The following AFF4 variants were observed in gnomAD, a reference collection of about 807,000 sequenced individuals.
The protein encoded by AFF4 is AF4/FMR2 family member 4.
In AFF4, 13 loss-of-function variants were observed where a neutral mutation model predicts 124.8. The ratio of observed to expected loss-of-function variants is 0.10; its 90% CI spans 0.07 to 0.17. The LOEUF (loss-of-function observed/expected upper bound fraction) is 0.17, where lower values mean the gene tolerates loss of function less well. AFF4 is among the 10% of genes least tolerant of loss of function. AFF4 has a pLI of 1.00. For synonymous variants in AFF4, 477 were observed against 496.1 expected (o/e 0.96, Z 0.51); for missense variants, 1,092 against 1,403.8 (o/e 0.78, Z 3.55).
At position 132,881,026 on chromosome 5, in the gene AFF4, G is replaced by A. The variant is rs368107532; in HGVS notation, c.*33C>T. 3.7e-6 allele frequency: 6 copies of A among 1,606,946 alleles called. No homozygotes were observed. Among genetic ancestry groups the A allele is most frequent in the African/African-American group, 2.7e-5 (2 of 74,588 alleles). On this transcript the variant is annotated 3_prime_UTR_variant, in exon 21 of 21. Transcript: ENST00000265343. ...CTTCGTGATGTGACACAGTGTTGTG[G>A]AGAAAATCAGAGGCAACGAGAATGT...
In AFF4 at chr5:132,927,096, T is replaced by C. The variant is rs774796541; in HGVS notation, c.1050+25A>G. 8.2e-6 allele frequency: 13 copies of C among 1,594,760 alleles called. No individual in the cohort carries two copies. In the Admixed American group the frequency reaches 1.9e-4, roughly 23 times the overall value. On this transcript the variant is annotated intron_variant, in intron 5 of 20. Coordinates refer to ENST00000265343, the MANE Select transcript of AFF4 (RefSeq NM_014423.4). Reference sequence around the variant, plus strand: ...AGCCATTTAGAGTTTTCTTACATTATGAAAGATACATTTTATTTACTTACC... The same window carrying C: ...AGCCATTTAGAGTTTTCTTACATTACGAAAGATACATTTTATTTACTTACC...
intron 4 of AFF4, among the ~76,000 whole-genome samples, chr5:132,929,483 G>A (rs1761253518): frequency 1.3e-5 from 2 of 151,950 alleles, no homozygotes; most frequent in Admixed American, 1.3e-4. Flanking sequence ...TTATATACAT[G>A]GCAACTAAGA....
intron 2 of AFF4, 61 bp downstream of exon 2, chr5:132,937,006 C>A: frequency 6.5e-7 from 1 of 1,545,556 alleles, no homozygotes; most frequent in Non-Finnish European, 8.8e-7. Context: ...AAGTGTGAAA[C>A]ATTTTAAAAG....
chr5:132,912,639 G>A (rs867630200), intron 5 of AFF4, among the ~76,000 whole-genome samples: 4 of 152,042 alleles, frequency 2.6e-5, no homozygotes, highest in African/African-American at 9.7e-5. Flanking sequence ...AGGATTATAG[G>A]TGTGAGCCAT....
At position 132,886,324 on chromosome 5, in the gene AFF4, T is replaced by C; in HGVS notation, c.3085A>G (p.Thr1029Ala). 1 of 1,614,010 alleles carries C rather than the reference T, an allele frequency of 6.2e-7. No individual in the cohort carries two copies. The highest frequency in any genetic ancestry group is 8.5e-7 in the Non-Finnish European group (1 of 1,179,920). Residue 1029 changes from threonine (T) to alanine (A), a missense_variant, in exon 18 of 21, where the codon ACA becomes GCA. Physicochemically the swap from Thr to Ala is moderately conservative, Grantham distance 58. Coordinates refer to ENST00000265343, the MANE Select transcript of AFF4 (RefSeq NM_014423.4). ...TGCATACTTACCTTCAGGTGCTCTG[T>C]CAGTGTCTTTGAGTACTTCAGAGCA... Reference protein sequence around the residue: ...ENALKYSKTLTEHLKNSYNNS... With the variant: ...ENALKYSKTLAEHLKNSYNNS...
chr5:132,930,230 G>C (rs1761267512), intron 4 of AFF4, among the ~76,000 whole-genome samples: 1 of 152,114 alleles, frequency 6.6e-6, no homozygotes, highest in Non-Finnish European at 1.5e-5. Context: ...CTGTCTAAGA[G>C]ATAAAGCCAA....
At chr5:132,920,557 G>C (rs1761019723) in intron 5 of AFF4, among the ~76,000 whole-genome samples, 1 of 151,530 alleles carries the variant, frequency 6.6e-6, no homozygotes, top group Admixed American at 6.6e-5. Flanking sequence ...GTCTTGCCTT[G>C]TTGACCAGGC....
In AFF4 at chr5:132,898,403, T is replaced by A. The variant is rs746328089; in HGVS notation, c.1227-11A>T. 3.1e-6 allele frequency: 5 copies of A among 1,610,184 alleles called. No homozygotes were observed. Among genetic ancestry groups the A allele is most frequent in the Non-Finnish European group, 4.2e-6 (5 of 1,178,566 alleles). The stretch of plus-strand genomic sequence containing the variant: ...GAAGGTTCAGAGTTACTAAAAGAGA[T>A]GAAATATACAAATGTCCAAAGTTTA... On this transcript the variant is annotated splice_polypyrimidine_tract_variant and intron_variant, in intron 9 of 20. Transcript: ENST00000265343.
chr5:132,939,771 C>T (rs987848809), intron 1 of AFF4, among the ~76,000 whole-genome samples: 10 of 152,280 alleles, frequency 6.6e-5, no homozygotes, highest in South Asian at 6.2e-4. Flanking sequence ...CCACCACGCC[C>T]GGCTAATTTT....
chr5:132,902,170 TC>T (rs1760567599), intron 7 of AFF4, among the ~76,000 whole-genome samples: 1 of 152,048 alleles, frequency 6.6e-6, no homozygotes, highest in South Asian at 2.1e-4. Flanking sequence ...GCCTCAGCCT[TC>T]CAAGTAGCTG....
chr5:132,912,186 A>T (rs972219366), intron 5 of AFF4, among the ~76,000 whole-genome samples: 1 of 151,574 alleles, frequency 6.6e-6, no homozygotes. Context: ...AAAAAAAAAA[A>T]AAAAAACATT....
At chr5:132,962,477 T>C (rs1387194583) in intron 1 of AFF4, among the ~76,000 whole-genome samples, 3 of 152,154 alleles carry the variant, frequency 2.0e-5, no homozygotes, top group African/African-American at 7.2e-5. Flanking sequence ...TTCAGATTCG[T>C]ACTTCCACTT....
intron 1 of AFF4, among the ~76,000 whole-genome samples, chr5:132,959,212 G>A (rs1472418423): frequency 2.7e-5 from 4 of 150,270 alleles, no homozygotes; most frequent in South Asian, 2.1e-4. Flanking sequence ...TGCAACCTCC[G>A]CCTCCCAGGT....
chr5:132,883,732 C>T (rs1272842392), intron 19 of AFF4, among the ~76,000 whole-genome samples, 172 bp from the exon 20 acceptor site: 1 of 152,144 alleles, frequency 6.6e-6, no homozygotes, highest in Non-Finnish European at 1.5e-5. Context: ...TCTTGTAATT[C>T]ATAATCTTGT....
Position 132,893,033 on chromosome 5 carries a change from C to T in AFF4, c.2393G>A (p.Arg798Lys). 1 of 1,614,052 alleles carries T rather than the reference C, an allele frequency of 6.2e-7. No individual in the cohort carries two copies. Among genetic ancestry groups the T allele is most frequent in the Non-Finnish European group, 8.5e-7 (1 of 1,179,942 alleles). The change falls in exon 12 of 21, where the codon AGA becomes AAA. Residue 798 changes from arginine (R) to lysine (K), a missense_variant. Arg to Lys is a conservative substitution (Grantham distance 26). This residue lies in a region of AFF4 where 293 missense variants were observed against 280.2 expected (regional missense o/e 1.05). Coordinates refer to ENST00000265343, the MANE Select transcript of AFF4 (RefSeq NM_014423.4). The stretch of plus-strand genomic sequence containing the variant: ...GCAACATGTTTTGGGAACGTACTCT[C>T]TGTTGCTGGATGGCTTATGGCCTGC... ...NSAGHKPSSN[R>K]ESSKQSAAKE...
intron 5 of AFF4, among the ~76,000 whole-genome samples, chr5:132,915,539 C>T (rs1432153186): frequency 1.3e-5 from 2 of 149,082 alleles, no homozygotes; most frequent in African/African-American, 2.5e-5. Context: ...ATTAATTATA[C>T]TGCACTTTGA....
At chr5:132,888,501 C>T (rs923154561) in intron 14 of AFF4, among the ~76,000 whole-genome samples, 1 of 152,052 alleles carries the variant, frequency 6.6e-6, no homozygotes, top group Admixed American at 6.6e-5. Flanking sequence ...TGCTCTTCCT[C>T]ATTTAAGAAA....
At chr5:132,955,572 T>A (rs1761934896) in intron 1 of AFF4, among the ~76,000 whole-genome samples, 2 of 151,176 alleles carry the variant, frequency 1.3e-5, no homozygotes, top group African/African-American at 4.9e-5. Flanking sequence ...AGGTCAGGAG[T>A]TCAAGACCAG....
rs1467576020 is a variant in AFF4 at position 132,897,308 on chromosome 5, A to AC, written c.1390-69_1390-68insG. On this transcript the variant is annotated intron_variant, in intron 10 of 20. Transcript: ENST00000265343. ...GCTTTTTTCGTTCTCCCTCCTTTAC[A>AC]ACCTCAAAGAAGAGGAAAAACCACA... 1.5e-5 allele frequency: 23 copies of AC among 1,513,688 alleles called. No homozygotes were observed. The Admixed American group carries it at 4.0e-4, about 26-fold the overall frequency. 93.8% of individuals were successfully genotyped at this position (1,513,688 alleles called of 1,614,324 possible). A position where few individuals can be genotyped will look rare whatever the true frequency, so the allele number is the denominator to read the frequency against.
Sources: allele counts gnomAD v4.1 joint callset (sites outside exome capture counted in the v4.1 genomes callset), GRCh38; gene constraint gnomAD v4.1.1; regional missense constraint gnomAD v4.1.1; transcripts MANE v1.5; gene names NCBI Gene and HGNC (gene_info 2026-07-23, HGNC 2026-07-21).